Variants in DCC observed in about 807,000 individuals in gnomAD.
DCC encodes netrin receptor DCC.
DCC carries 58 observed loss-of-function variants against 172.5 expected under a neutral mutation model. The ratio of observed to expected loss-of-function variants is 0.34; its 90% CI spans 0.27 to 0.42. DCC has a LOEUF of 0.42. Ranked by LOEUF, DCC falls within the 10% of genes least tolerant of loss-of-function variation. The pLI, the probability that DCC is intolerant of heterozygous loss-of-function variation, is 1.00. For missense variants in DCC, 1,740 were observed against 1,791.0 expected (o/e 0.97, Z 0.51); for synonymous variants, 709 against 644.5 (o/e 1.10, Z -1.52).
At chr18:53,028,849 T>A (rs1332082621) in intron 5 of DCC, among the ~76,000 whole-genome samples, 1 of 152,160 alleles carries the variant, frequency 6.6e-6, no homozygotes, top group Non-Finnish European at 1.5e-5. Context: ...TTCAGAAATG[T>A]CTCTCCTTAT....
At chr18:52,642,133 A>G (rs900985835) in intron 1 of DCC, among the ~76,000 whole-genome samples, 3 of 150,620 alleles carry the variant, frequency 2.0e-5, no homozygotes, top group Non-Finnish European at 3.0e-5. Flanking sequence ...ATGGAATACT[A>G]TGCAGCCATA....
chr18:53,432,223 G>T (rs1911664143), intron 21 of DCC, among the ~76,000 whole-genome samples: 1 of 152,020 alleles, frequency 6.6e-6, no homozygotes, highest in African/African-American at 2.4e-5. Context: ...AATCTTTAAT[G>T]TCAGAAAATA....
intron 1 of DCC, among the ~76,000 whole-genome samples, chr18:52,542,986 TC>T (rs1210593789): frequency 6.6e-6 from 1 of 152,230 alleles, no homozygotes; most frequent in African/African-American, 2.4e-5. Context: ...GCCCTTTAGT[TC>T]CATGAATTCA....
intron 1 of DCC, among the ~76,000 whole-genome samples, chr18:52,470,084 G>T (rs980191018): frequency 1.3e-5 from 2 of 152,188 alleles, no homozygotes; most frequent in African/African-American, 4.8e-5. Flanking sequence ...ATATGTATTT[G>T]ATTGTGAAGA....
intron 8 of DCC, among the ~76,000 whole-genome samples, chr18:53,178,346 A>G (rs1289384302): frequency 6.6e-6 from 1 of 152,194 alleles, no homozygotes; most frequent in African/African-American, 2.4e-5. Context: ...TATTGAACAC[A>G]TAGAGATGTG....
chr18:52,771,505 A>C (rs1237429341), intron 2 of DCC, among the ~76,000 whole-genome samples: 1 of 152,198 alleles, frequency 6.6e-6, no homozygotes, highest in Admixed American at 6.5e-5. Context: ...GATAAGCAGG[A>C]AACTTCCTCT....
intron 2 of DCC, among the ~76,000 whole-genome samples, chr18:52,896,818 T>C (rs896529901): frequency 1.3e-5 from 2 of 152,166 alleles, no homozygotes; most frequent in Non-Finnish European, 2.9e-5. Context: ...TTGTAGTTCA[T>C]GTCTGATCAC....
chr18:52,859,452 A>C (rs1044762966), intron 2 of DCC, among the ~76,000 whole-genome samples: 59 of 152,300 alleles, frequency 3.9e-4, no homozygotes, highest in Non-Finnish European at 2.4e-4. Flanking sequence ...GCTCGTATAC[A>C]ATCTTGAGGT....
rs373434766 is a variant in DCC at position 52,807,088 on chromosome 18, G to A, written c.412+54714G>A. Among the ~76,000 whole-genome samples, 18 of 152,262 alleles carry A rather than the reference G, an allele frequency of 1.2e-4. No homozygotes were observed. The South Asian group carries it at 3.3e-3, about 28-fold the overall frequency. The stretch of plus-strand genomic sequence containing the variant: ...CGCGTGCCTGTAGTCCCAGCTACTC[G>A]GGAGGCTGAGGCAGGAGAATCGCTT... On this transcript the variant is annotated intron_variant, in intron 2 of 28. Coordinates refer to ENST00000442544, the MANE Select transcript of DCC (RefSeq NM_005215.4).
intron 5 of DCC, among the ~76,000 whole-genome samples, chr18:52,975,638 G>T (rs774992806): frequency 5.9e-5 from 9 of 152,074 alleles, no homozygotes; most frequent in Non-Finnish European, 1.2e-4. Context: ...GTGTTAGTTT[G>T]CTAAGGATAA....
In DCC at chr18:53,462,038, G is replaced by T. The variant is rs375211240; in HGVS notation, c.3619+2580G>T. Among the ~76,000 whole-genome samples the T allele has an allele frequency of 1.1e-4, 17 of 152,292 alleles. No individual in the cohort carries two copies. The South Asian group carries it at 1.9e-3, about 17-fold the overall frequency. On this transcript the variant is annotated intron_variant, in intron 24 of 28. Transcript: ENST00000442544. ...CCTGAGCATGTGAGAGAAGAGGGAT[G>T]GAGTGAAGAGGGAGGGGAGGTGAGG...
intron 1 of DCC, among the ~76,000 whole-genome samples, chr18:52,711,304 C>T (rs761995609): frequency 5.3e-5 from 8 of 151,860 alleles, no homozygotes; most frequent in Non-Finnish European, 8.8e-5. Context: ...CTTGGCTCAC[C>T]GCAACCTCTG....
intron 5 of DCC, among the ~76,000 whole-genome samples, chr18:53,032,028 T>C (rs2042032533): frequency 6.6e-6 from 1 of 152,200 alleles, no homozygotes; most frequent in Admixed American, 6.5e-5. Context: ...TGGTGTGATT[T>C]TGTGAAATAT....
intron 7 of DCC, among the ~76,000 whole-genome samples, chr18:53,096,973 AAAAG>A (rs1353284187): frequency 1.4e-4 from 21 of 152,288 alleles, no homozygotes; most frequent in South Asian, 4.1e-4. Flanking sequence ...AATACACATC[AAAAG>A]AAAGAAAGAA....
intron 1 of DCC, among the ~76,000 whole-genome samples, chr18:52,483,243 G>T (rs2030042580): frequency 6.6e-6 from 1 of 152,072 alleles, no homozygotes; most frequent in Non-Finnish European, 1.5e-5. Context: ...AATTACATAT[G>T]CAATGACTGT....
At position 53,107,541 on chromosome 18, in the gene DCC, GAA is replaced by G. The variant is rs11458727; in HGVS notation, c.1261+41387_1261+41388del. 7.8e-4 allele frequency among the ~76,000 whole-genome samples: 107 copies of G among 137,558 alleles called. 1 individual carries two copies. The highest frequency in any genetic ancestry group is 2.6e-3 in the African/African-American group (96 of 37,442). 90.2% of individuals were successfully genotyped at this position (137,558 alleles called of 152,430 possible). ...TGATCCAAAAAAAAAAAAAAGGAAG[GAA>G]AAAAAAAAAAAGAGGAAGACGTGGT... On this transcript the variant is annotated intron_variant, in intron 7 of 28. Coordinates refer to ENST00000442544, the MANE Select transcript of DCC (RefSeq NM_005215.4).
intron 2 of DCC, among the ~76,000 whole-genome samples, chr18:52,818,736 T>C (rs574581405): frequency 3.9e-5 from 6 of 152,326 alleles, no homozygotes; most frequent in African/African-American, 1.4e-4. Context: ...AAACACATAC[T>C]TGGTCATCAA....
intron 1 of DCC, among the ~76,000 whole-genome samples, chr18:52,521,776 G>A (rs765700389): frequency 2.0e-5 from 3 of 152,104 alleles, no homozygotes; most frequent in Non-Finnish European, 4.4e-5. Context: ...ATAAACAGCA[G>A]CTTTCTCTTC....
chr18:52,983,066 T>G (rs190928104), intron 5 of DCC, among the ~76,000 whole-genome samples: 5 of 152,276 alleles, frequency 3.3e-5, no homozygotes, highest in Admixed American at 6.5e-5. Context: ...ATAAAGTGTC[T>G]GGGGTTGGAA....
Sources: gnomAD v4.1 joint callset for allele counts (sites outside exome capture counted in the v4.1 genomes callset) on GRCh38, gnomAD v4.1.1 for gene constraint, MANE v1.5 for transcripts, NCBI Gene and HGNC (gene_info 2026-07-23, HGNC 2026-07-21) for gene names.